ARMC9: variants seen among roughly 807,000 people sequenced by gnomAD.
The protein encoded by ARMC9 is armadillo repeat containing 9.
A neutral mutation model predicts 107.0 loss-of-function variants in ARMC9; 94 were observed. The observed-to-expected ratio is 0.88, with a 90% confidence interval of 0.74 to 1.04. ARMC9 has a LOEUF of 1.04. Among genes scored for constraint, ARMC9 ranks in the 50% least tolerant of loss-of-function variants. ARMC9 has a pLI of 0.00. For synonymous variants in ARMC9, 380 were observed against 396.9 expected (o/e 0.96, Z 0.51); for missense variants, 942 against 1,030.1 (o/e 0.91, Z 1.17).
intron 21 of ARMC9, chr2:231,345,293 T>A: frequency 1.0e-6 from 1 of 996,442 alleles, no homozygotes. Context: ...GAAGGAGAAG[T>A]GGTTGGATTA....
Position 231,248,494 on chromosome 2 carries a change from G to A in ARMC9, c.880-8092G>A, listed in dbSNP as rs149314323. Among the ~76,000 whole-genome samples the A allele has an allele frequency of 3.9e-5, 6 of 152,078 alleles. No individual in the cohort carries two copies. In the East Asian group the frequency reaches 9.7e-4, roughly 25 times the overall value. ...TGAAGTGGTTTTCATCTCTTTTAAC[G>A]TGCAAGTGCCCCTTCTCGTTAAAAA... On this transcript the variant is annotated intron_variant, in intron 9 of 24. Coordinates refer to ENST00000611582, the MANE Select transcript of ARMC9 (RefSeq NM_001352754.2).
rs993643229 is a variant in ARMC9 at position 231,255,813 on chromosome 2, G to A, written c.880-773G>A. On this transcript the variant is annotated intron_variant, in intron 9 of 24. Coordinates refer to ENST00000611582, the MANE Select transcript of ARMC9 (RefSeq NM_001352754.2). The surrounding 1 kb of genome is among the most constrained non-coding windows in gnomAD (Gnocchi z 4.7). ...AACACTTTGGGAGGCCGAGGTGGGC[G>A]GATCACGAGGTCAGGAGATTGAGAC... Among the ~76,000 whole-genome samples the A allele has an allele frequency of 1.3e-5, 2 of 152,160 alleles. No homozygotes were observed. Among genetic ancestry groups the A allele is most frequent in the South Asian group, 2.1e-4 (1 of 4,832 alleles).
intron 9 of ARMC9, among the ~76,000 whole-genome samples, chr2:231,242,613 A>C (rs1321651874): frequency 6.6e-6 from 1 of 151,932 alleles, no homozygotes; most frequent in Non-Finnish European, 1.5e-5. Flanking sequence ...TGTGCTTACC[A>C]AAACTGTGGC....
Position 231,217,853 on chromosome 2 carries a change from T to C in ARMC9, c.504+1060T>C, listed in dbSNP as rs375506024. ...AGCTACAGGTGCGCACCAGCACACCTGGCTAATTGTTGTATTTTTAGTAGA... is the reference window on the plus strand; with the variant it reads ...AGCTACAGGTGCGCACCAGCACACCCGGCTAATTGTTGTATTTTTAGTAGA... On this transcript the variant is annotated intron_variant, in intron 5 of 24. Coordinates refer to ENST00000611582, the MANE Select transcript of ARMC9 (RefSeq NM_001352754.2). 1.6e-4 allele frequency among the ~76,000 whole-genome samples: 24 copies of C among 152,200 alleles called. No individual in the cohort carries two copies. The East Asian group carries it at 3.7e-3, about 23-fold the overall frequency.
At chr2:231,246,617 C>A (rs150813102) in intron 9 of ARMC9, among the ~76,000 whole-genome samples, 6 of 152,254 alleles carry the variant, frequency 3.9e-5, no homozygotes, top group Admixed American at 6.5e-5. Context: ...GATGGGCACC[C>A]GGATTGATTC....
chr2:231,262,495 C>A (rs2038462863), intron 12 of ARMC9, 97 bp downstream of exon 12: 2 of 1,204,432 alleles, frequency 1.7e-6, no homozygotes, highest in East Asian at 4.8e-5. Context: ...TGCACATTTT[C>A]AGCTTCGTAA....
chr2:231,301,042 A>G (rs1264676484), intron 19 of ARMC9, among the ~76,000 whole-genome samples: 1 of 152,196 alleles, frequency 6.6e-6, no homozygotes, highest in Non-Finnish European at 1.5e-5. Flanking sequence ...ATGCGCTTTC[A>G]TACTTAAAAG....
intron 16 of ARMC9, among the ~76,000 whole-genome samples, chr2:231,281,388 G>A (rs1396115425): frequency 6.6e-6 from 1 of 152,124 alleles, no homozygotes; most frequent in Non-Finnish European, 1.5e-5. Flanking sequence ...TAGGTAGTAT[G>A]GACACTTTGT....
intron 19 of ARMC9, among the ~76,000 whole-genome samples, chr2:231,326,822 G>A (rs1053190952): frequency 2.6e-5 from 4 of 152,198 alleles, no homozygotes; most frequent in Admixed American, 2.0e-4. Flanking sequence ...TGAAGACAGG[G>A]TACTCATTTT....
Position 231,255,638 on chromosome 2 carries a change from C to T in ARMC9, c.880-948C>T, listed in dbSNP as rs376283108. Among the ~76,000 whole-genome samples, 32 of 152,028 alleles carry T rather than the reference C, an allele frequency of 2.1e-4. No homozygotes were observed. Among genetic ancestry groups the T allele is most frequent in the South Asian group, 2.1e-3 (10 of 4,818 alleles). ...TTTCTTGGAGTGGTGTAACATCAAA[C>T]CAGGGCTGGGTAGGCTGTGAGCTGG... On this transcript the variant is annotated intron_variant, in intron 9 of 24. Coordinates refer to ENST00000611582, the MANE Select transcript of ARMC9 (RefSeq NM_001352754.2). This position sits in a 1 kb window ranked among gnomAD's most constrained non-coding sequence, Gnocchi z 4.7.
At chr2:231,256,291 C>T (rs774328021) in intron 9 of ARMC9, 211 of 1,553,930 alleles carry the variant, frequency 1.4e-4, no homozygotes, top group Non-Finnish European at 1.8e-4. Context: ...AGCGAGAAGC[C>T]CGGAGGTTGC....
At chr2:231,251,640 C>T (rs184479359) in intron 9 of ARMC9, among the ~76,000 whole-genome samples, 2 of 152,306 alleles carry the variant, frequency 1.3e-5, no homozygotes, top group East Asian at 1.9e-4. Flanking sequence ...GTATCACTAG[C>T]GCATAGCAGA....
At chr2:231,364,769 G>T (rs1368004127) in intron 23 of ARMC9, among the ~76,000 whole-genome samples, 4 of 151,734 alleles carry the variant, frequency 2.6e-5, no homozygotes, top group African/African-American at 9.7e-5. Flanking sequence ...TTGCACTCCA[G>T]CCTGGACAAC....
intron 24 of ARMC9, among the ~76,000 whole-genome samples, chr2:231,370,864 C>G (rs544388262): frequency 6.6e-6 from 1 of 152,258 alleles, no homozygotes; most frequent in African/African-American, 2.4e-5. Flanking sequence ...CCAGGCAGGA[C>G]GAAAGGAGTC....
At position 231,373,247 on chromosome 2, in the gene ARMC9, A is replaced by G. The variant is rs1055519112; in HGVS notation, c.*1712A>G. 2 of 152,216 alleles carry G rather than the reference A, an allele frequency of 1.3e-5. No homozygotes were observed. Among genetic ancestry groups the G allele is most frequent in the African/African-American group, 4.8e-5 (2 of 41,438 alleles). The allele number at this position is 152,216 out of a possible 1,614,324, so 9.4% of individuals were successfully genotyped here. A position where few individuals can be genotyped will look rare whatever the true frequency, so the allele number is the denominator to read the frequency against. ...AGAGGAAAAGCAGAGGGTCCGCAAA[A>G]TGCAACTCCTCCGTGGTGAGACTTT... On this transcript the variant is annotated 3_prime_UTR_variant, in exon 25 of 25. Coordinates refer to ENST00000611582, the MANE Select transcript of ARMC9 (RefSeq NM_001352754.2). The surrounding 1 kb of genome is among the most constrained non-coding windows in gnomAD (Gnocchi z 4.4).
intron 2 of ARMC9, among the ~76,000 whole-genome samples, chr2:231,206,714 A>C (rs1306820102): frequency 2.0e-5 from 3 of 152,254 alleles, no homozygotes; most frequent in Non-Finnish European, 2.9e-5. Flanking sequence ...GGCCCTAGAC[A>C]TTTGAATGCC....
At chr2:231,210,918 T>TC (rs1343437625) in intron 3 of ARMC9, among the ~76,000 whole-genome samples, 1 of 152,128 alleles carries the variant, frequency 6.6e-6, no homozygotes, top group Admixed American at 6.5e-5. Context: ...GCCTTTATCC[T>TC]CCCCCTAGGC....
chr2:231,240,726 G>T, intron 9 of ARMC9, among the ~76,000 whole-genome samples: 1 of 152,086 alleles, frequency 6.6e-6, no homozygotes, highest in Non-Finnish European at 1.5e-5. Flanking sequence ...TCCAATTTTG[G>T]TAGTTGAGTC....
chr2:231,235,234 G>C lies in ARMC9; in HGVS notation c.633G>C (p.Gln211His). The C allele has an allele frequency of 6.2e-7, 1 of 1,610,426 alleles. No individual in the cohort carries two copies. Among genetic ancestry groups the C allele is most frequent in the Non-Finnish European group, 8.5e-7 (1 of 1,178,798 alleles). The part of the protein sequence containing the change: ...ENGQSNKEIL[Q>H]QLHQQLVEAE... ...TAACTGTCTTCCTAGAAATCTTGCAGCAGCTCCACCAGCAGCTGGTTGAAG... is the reference window on the plus strand; with the variant it reads ...TAACTGTCTTCCTAGAAATCTTGCACCAGCTCCACCAGCAGCTGGTTGAAG... Residue 211 changes from glutamine (Q) to histidine (H), a missense_variant, in exon 8 of 25, where the codon CAG becomes CAC. Gln to His is a conservative substitution (Grantham distance 24, BLOSUM62 0). Transcript: ENST00000611582.
Sources: gnomAD v4.1 joint callset for allele counts (sites outside exome capture counted in the v4.1 genomes callset) on GRCh38, gnomAD v4.1.1 for gene constraint, Gnocchi (gnomAD v3.1) non-coding constraint, MANE v1.5 for transcripts, NCBI Gene and HGNC (gene_info 2026-07-23, HGNC 2026-07-21) for gene names.